Variants in CAPN2 observed in about 807,000 individuals in gnomAD.
The protein encoded by CAPN2 is calpain 2.
CAPN2 carries 92 observed loss-of-function variants against 102.3 expected under a neutral mutation model. That is an observed-to-expected ratio of 0.90 (90% CI 0.76 to 1.07). CAPN2 has a LOEUF of 1.07. CAPN2 is among the 50% of genes least tolerant of loss of function. The pLI is 0.00. For missense variants in CAPN2, 800 were observed against 909.4 expected (o/e 0.88, Z 1.55); for synonymous variants, 340 against 355.4 (o/e 0.96, Z 0.49).
Position 223,775,038 on chromosome 1 carries a change from G to A in CAPN2, c.*181G>A. 1 of 617,568 alleles carries A rather than the reference G, an allele frequency of 1.6e-6. No individual in the cohort carries two copies. 38.3% of individuals were successfully genotyped at this position (617,568 alleles called of 1,614,324 possible). On this transcript the variant is annotated 3_prime_UTR_variant, in exon 21 of 21. Transcript: ENST00000295006. ...GATAGCAGAAGTTTCACACATCAAA[G>A]TAAAAGATTTGCATATCATTATACT...
At chr1:223,719,978 G>A (rs1009383177) in intron 2 of CAPN2, among the ~76,000 whole-genome samples, 1 of 152,170 alleles carries the variant, frequency 6.6e-6, no homozygotes, top group Non-Finnish European at 1.5e-5. Flanking sequence ...TGCTGATGGG[G>A]CCTTGACCTT....
upstream of CAPN2, among the ~76,000 whole-genome samples, chr1:223,710,319 A>G (rs1449254584): frequency 2.0e-5 from 3 of 152,228 alleles, no homozygotes; most frequent in Non-Finnish European, 4.4e-5. Context: ...AACAAAAACA[A>G]TGAAAGGCTA....
At chr1:223,711,276 AGAG>A (rs1417711142), upstream of CAPN2, among the ~76,000 whole-genome samples, 1 of 152,212 alleles carries the variant, frequency 6.6e-6, no homozygotes, top group Non-Finnish European at 1.5e-5. Flanking sequence ...CTACTACTGT[AGAG>A]AAGAAGAGGA....
chr1:223,753,122 C>T lies in CAPN2; in HGVS notation c.1135+166C>T, dbSNP rs113235535. ...TTTCTCCCTGAGCCTTTTCTTTTCC[C>T]TGAGCCTTTTCTCCCCGAGCTCTCT... On this transcript the variant is annotated intron_variant, in intron 9 of 20. Transcript: ENST00000295006. Among the ~76,000 whole-genome samples the T allele has an allele frequency of 3.1e-3, 473 of 150,784 alleles. 1 individual carries two copies. Among genetic ancestry groups the T allele is most frequent in the Non-Finnish European group, 5.2e-3 (357 of 68,026 alleles).
intron 16 of CAPN2, among the ~76,000 whole-genome samples, chr1:223,768,509 C>T (rs188542066): frequency 8.5e-5 from 13 of 152,166 alleles, no homozygotes; most frequent in East Asian, 5.8e-4. Flanking sequence ...GTAGATACGG[C>T]GTTATTTCTG....
chr1:223,737,943 T>C (rs1445017599), intron 2 of CAPN2, among the ~76,000 whole-genome samples: 7 of 152,042 alleles, frequency 4.6e-5, no homozygotes, highest in Non-Finnish European at 8.8e-5. Flanking sequence ...ACAGGGAAGG[T>C]CTGATTCTAG....
chr1:223,766,633 A>G (rs890027313), intron 16 of CAPN2, among the ~76,000 whole-genome samples: 2 of 151,160 alleles, frequency 1.3e-5, no homozygotes, highest in African/African-American at 4.9e-5. Flanking sequence ...CAAATGCTAC[A>G]CCCCCCCTCC....
At chr1:223,772,566 GT>G in intron 20 of CAPN2, 2 of 283,978 alleles carry the variant, frequency 7.0e-6, no homozygotes, top group Middle Eastern at 2.1e-3. Context: ...GGGAGAACAT[GT>G]TTATATAAAG....
chr1:223,719,152 C>T (rs1344532387), intron 2 of CAPN2, among the ~76,000 whole-genome samples: 1 of 152,162 alleles, frequency 6.6e-6, no homozygotes, highest in Admixed American at 6.6e-5. Flanking sequence ...AGATAGAGGT[C>T]CTTGAGCACC....
chr1:223,715,529 G>C (rs1006770281), intron 1 of CAPN2, among the ~76,000 whole-genome samples: 1 of 152,150 alleles, frequency 6.6e-6, no homozygotes, highest in Non-Finnish European at 1.5e-5. Flanking sequence ...CTTGCAGCAG[G>C]AGGAGCTGCT....
chr1:223,741,736 A>G (rs1660622618), intron 2 of CAPN2, among the ~76,000 whole-genome samples: 1 of 151,938 alleles, frequency 6.6e-6, no homozygotes, highest in Non-Finnish European at 1.5e-5. Context: ...ATTAAGAGGC[A>G]TGAGCCACCA....
chr1:223,713,116 G>A (rs1659786926), intron 1 of CAPN2, among the ~76,000 whole-genome samples: 1 of 152,194 alleles, frequency 6.6e-6, no homozygotes, highest in Admixed American at 6.5e-5. Flanking sequence ...TGGGCGGGTC[G>A]AGGCGAATCA....
chr1:223,768,498 T>G (rs1180653659), intron 16 of CAPN2, among the ~76,000 whole-genome samples: 1 of 152,202 alleles, frequency 6.6e-6, no homozygotes, highest in Non-Finnish European at 1.5e-5. Flanking sequence ...ATCAGATAGT[T>G]GTAGATACGG....
chr1:223,739,628 T>C (rs1660561128), intron 2 of CAPN2, among the ~76,000 whole-genome samples: 1 of 152,138 alleles, frequency 6.6e-6, no homozygotes, highest in African/African-American at 2.4e-5. Context: ...TGAGTAGCCA[T>C]CCCACCCTCC....
intron 2 of CAPN2, among the ~76,000 whole-genome samples, chr1:223,740,366 G>GAAAA (rs1281972370): frequency 2.0e-5 from 3 of 152,206 alleles, no homozygotes; most frequent in Admixed American, 1.3e-4. Context: ...TTTGCCACGA[G>GAAAA]AGTACACCAA....
In CAPN2 at chr1:223,759,434, TG is replaced by T; in HGVS notation, c.1486del (p.Asp496IlefsTer62). On this transcript the variant is annotated frameshift_variant, in exon 12 of 21. Transcript: ENST00000295006. LOFTEE classifies it high-confidence loss of function. This position sits in a 1 kb window ranked among gnomAD's most constrained non-coding sequence, Gnocchi z 4.6. Reference sequence around the variant, plus strand: ...CTTCCACCTTCGAACCCAACAAGGATGGGGATTTCTGCATCCGGGTCTTTTC... The same window carrying T: ...CTTCCACCTTCGAACCCAACAAGGATGGGATTTCTGCATCCGGGTCTTTTC... ...VPSTFEPNKD[G>X]DFCIRVFSEK... 1.2e-6 allele frequency: 2 copies of T among 1,614,132 alleles called. No homozygotes were observed. Among genetic ancestry groups the T allele is most frequent in the Non-Finnish European group, 1.7e-6 (2 of 1,180,026 alleles).
chr1:223,751,057 CAT>C (rs1373919496), intron 7 of CAPN2, 82 bp downstream of exon 7: 26 of 1,165,260 alleles, frequency 2.2e-5, no homozygotes, highest in South Asian at 1.7e-4. Context: ...GAGAAGAAGA[CAT>C]GTGCATTATT....
rs1178586039 is a variant in CAPN2, at chr1:223,759,332, G to C, written c.1380G>C (p.Glu460Asp). The C allele has an allele frequency of 1.9e-5, 30 of 1,614,118 alleles. No individual in the cohort carries two copies. The highest frequency in any genetic ancestry group is 2.5e-5 in the Non-Finnish European group (29 of 1,180,048). The change falls in exon 12 of 21, where the codon GAG becomes GAC. Residue 460 changes from glutamate to aspartate, a missense_variant. Coordinates refer to ENST00000295006, the MANE Select transcript of CAPN2 (RefSeq NM_001748.5). The surrounding 1 kb of genome is among the most constrained non-coding windows in gnomAD (Gnocchi z 4.6). ...KNFFLTNRAR[E>D]RSDTFINLRE... ...TCTTCCTGACGAATCGCGCCAGGGA[G>C]CGCTCAGACACCTTCATCAACCTCC...
In CAPN2 at chr1:223,717,684, C is replaced by G. The variant is rs1374434507; in HGVS notation, c.238-78C>G. ...GAAGGGGAGAAGGGGTTAGAAGACCCCACTGAGAATGGAGGCATCCTAGCT... is the reference window on the plus strand; with the variant it reads ...GAAGGGGAGAAGGGGTTAGAAGACCGCACTGAGAATGGAGGCATCCTAGCT... On this transcript the variant is annotated intron_variant, in intron 1 of 20. Coordinates refer to ENST00000295006, the MANE Select transcript of CAPN2 (RefSeq NM_001748.5). 2.7e-6 allele frequency: 3 copies of G among 1,109,912 alleles called. No individual in the cohort carries two copies. The East Asian group carries it at 7.1e-5, about 26-fold the overall frequency. The allele number at this position is 1,109,912 out of a possible 1,614,324, so 68.8% of individuals were successfully genotyped here. A position where few individuals can be genotyped will look rare whatever the true frequency, so the allele number is the denominator to read the frequency against.
Sources: allele counts gnomAD v4.1 joint callset (sites outside exome capture counted in the v4.1 genomes callset), GRCh38; gene constraint gnomAD v4.1.1; non-coding constraint Gnocchi (gnomAD v3.1); transcripts MANE v1.5; gene names NCBI Gene and HGNC (gene_info 2026-07-23, HGNC 2026-07-21).